Variants in DHRS3 observed in about 807,000 individuals in gnomAD.
The protein encoded by DHRS3 is short-chain dehydrogenase/reductase 3.
In DHRS3, 14 loss-of-function variants were observed where a neutral mutation model predicts 27.2. That is an observed-to-expected ratio of 0.52 (90% CI 0.34 to 0.81). The LOEUF is 0.81. DHRS3 is among the 30% of genes least tolerant of loss of function. DHRS3 has a pLI of 0.01. For missense variants in DHRS3, 322 were observed against 406.2 expected, an observed-to-expected ratio of 0.79 and a Z score of 1.78; for synonymous variants, 165 against 175.9, an observed-to-expected ratio of 0.94 and a Z score of 0.49.
intron 1 of DHRS3, among the ~76,000 whole-genome samples, chr1:12,582,695 A>G (rs1444627305): frequency 6.6e-6 from 1 of 152,032 alleles, no homozygotes; most frequent in Non-Finnish European, 1.5e-5. Context: ...AGCCATTGTC[A>G]TCCAGGTTCC....
chr1:12,603,575 T>C (rs1224515553), intron 1 of DHRS3, among the ~76,000 whole-genome samples: 1 of 152,040 alleles, frequency 6.6e-6, no homozygotes. Flanking sequence ...AACCTGGACC[T>C]TGAACCTCAG....
In DHRS3 at chr1:12,601,736, C is replaced by G. The variant is rs1249822581; in HGVS notation, c.195+15418G>C. ...AGACTCATTGGTTACAAGCAGACAC[C>G]CTGGGTTCCAATCCTGCTGGGTCAT... On this transcript the variant is annotated intron_variant, in intron 1 of 5. Transcript: ENST00000616661. Among the ~76,000 whole-genome samples, 3 of 152,152 alleles carry G rather than the reference C, an allele frequency of 2.0e-5. No individual in the cohort carries two copies. The East Asian group carries it at 5.8e-4, about 29-fold the overall frequency.
intron 1 of DHRS3, among the ~76,000 whole-genome samples, chr1:12,613,408 T>C (rs1412137439): frequency 6.6e-6 from 1 of 152,246 alleles, no homozygotes; most frequent in Non-Finnish European, 1.5e-5. Context: ...TCTAGGTCTT[T>C]ATTCATCTTT....
At position 12,579,014 on chromosome 1, in the gene DHRS3, T is replaced by A. The variant is rs1381922421; in HGVS notation, c.460-58A>T. 2.7e-6 allele frequency: 4 copies of A among 1,500,202 alleles called. No homozygotes were observed. In the South Asian group the frequency reaches 4.7e-5, roughly 17 times the overall value. The allele number at this position is 1,500,202 out of a possible 1,614,324, so 92.9% of individuals were successfully genotyped here. ...CTGCAGCTCTGACAACCCCTCCACC[T>A]TTCTTTCGGGGAGAACAGCCCACCC... On this transcript the variant is annotated intron_variant, in intron 3 of 5. Coordinates refer to ENST00000616661, the MANE Select transcript of DHRS3 (RefSeq NM_004753.7).
intron 1 of DHRS3, among the ~76,000 whole-genome samples, chr1:12,588,389 T>C (rs946877476): frequency 3.3e-5 from 5 of 152,318 alleles, no homozygotes; most frequent in South Asian, 4.1e-4. Flanking sequence ...CTGCATTTAA[T>C]AGGTAAGCCG....
chr1:12,612,001 C>T (rs1216050368), intron 1 of DHRS3, among the ~76,000 whole-genome samples: 1 of 151,400 alleles, frequency 6.6e-6, no homozygotes, highest in South Asian at 2.1e-4. Flanking sequence ...AGCAAGACTG[C>T]AGGGGGGCGT....
chr1:12,569,650 C>T (rs1241324127), intron 5 of DHRS3, among the ~76,000 whole-genome samples: 1 of 152,188 alleles, frequency 6.6e-6, no homozygotes, highest in East Asian at 1.9e-4. Context: ...ACTGCAACCT[C>T]TGCTTCCTGG....
At chr1:12,609,144 C>T (rs1187040960) in intron 1 of DHRS3, among the ~76,000 whole-genome samples, 3 of 152,228 alleles carry the variant, frequency 2.0e-5, no homozygotes, top group Non-Finnish European at 4.4e-5. Flanking sequence ...ACTCATCCTT[C>T]CACAGTGTTA....
chr1:12,582,117 G>T (rs1207880458), intron 1 of DHRS3, among the ~76,000 whole-genome samples: 1 of 152,188 alleles, frequency 6.6e-6, no homozygotes, highest in Non-Finnish European at 1.5e-5. Flanking sequence ...ATCAGACCCA[G>T]ATCCAACTGA....
intron 4 of DHRS3, among the ~76,000 whole-genome samples, chr1:12,573,078 C>T (rs1646553765): frequency 6.6e-6 from 1 of 152,218 alleles, no homozygotes; most frequent in Non-Finnish European, 1.5e-5. Context: ...TTCTAGCCCA[C>T]CCACTGGGGA....
At chr1:12,576,197 G>A (rs1646585345) in intron 4 of DHRS3, among the ~76,000 whole-genome samples, 1 of 152,118 alleles carries the variant, frequency 6.6e-6, no homozygotes, top group Non-Finnish European at 1.5e-5. Context: ...TATGCTAGAA[G>A]GTGAAATAGA....
Position 12,594,221 on chromosome 1 carries a change from G to T in DHRS3, c.196-13555C>A, listed in dbSNP as rs1318282254. 6.6e-6 allele frequency among the ~76,000 whole-genome samples: 1 copy of T among 152,218 alleles called. No homozygotes were observed. Among genetic ancestry groups the T allele is most frequent in the African/African-American group, 2.4e-5 (1 of 41,460 alleles). On this transcript the variant is annotated intron_variant, in intron 1 of 5. Transcript: ENST00000616661. The surrounding 1 kb of genome is among the most constrained non-coding windows in gnomAD (Gnocchi z 4.1). ...ACTCATGCAGGCTGCACTACTAGAAGTTTCAAAGCAAGGCTCGGACTCCAA... is the reference window on the plus strand; with the variant it reads ...ACTCATGCAGGCTGCACTACTAGAATTTTCAAAGCAAGGCTCGGACTCCAA...
In DHRS3 at chr1:12,593,538, C is replaced by T. The variant is rs1646763919; in HGVS notation, c.196-12872G>A. On this transcript the variant is annotated intron_variant, in intron 1 of 5. Coordinates refer to ENST00000616661, the MANE Select transcript of DHRS3 (RefSeq NM_004753.7). This position sits in a 1 kb window ranked among gnomAD's most constrained non-coding sequence, Gnocchi z 4.6. ...CAGGTTCTGCTCAAGTGTCTCTTTA[C>T]CCAAGAGGTCTTCATGTAAAATGCC... Among the ~76,000 whole-genome samples, 1 of 152,084 alleles carries T rather than the reference C, an allele frequency of 6.6e-6. No individual in the cohort carries two copies. The highest frequency in any genetic ancestry group is 2.1e-4 in the South Asian group (1 of 4,826).
chr1:12,580,328 G>T (rs150959190), intron 2 of DHRS3, 195 bp downstream of exon 2: 1 of 669,534 alleles, frequency 1.5e-6, no homozygotes, highest in East Asian at 2.8e-5. Flanking sequence ...AGATGATTAC[G>T]CCTGTTACGT....
intron 1 of DHRS3, among the ~76,000 whole-genome samples, chr1:12,589,643 C>T (rs1646728888): frequency 6.6e-6 from 1 of 152,094 alleles, no homozygotes; most frequent in Admixed American, 6.5e-5. Context: ...CAGCCTAAAA[C>T]ACCCACTTTG....
At chr1:12,570,978 T>C (rs527754176) in intron 5 of DHRS3, among the ~76,000 whole-genome samples, 11 of 152,360 alleles carry the variant, frequency 7.2e-5, no homozygotes, top group Non-Finnish European at 1.0e-4. Flanking sequence ...GGGCTCACCA[T>C]GTCCCAGCAG....
intron 1 of DHRS3, among the ~76,000 whole-genome samples, chr1:12,595,219 G>A (rs1484778390): frequency 6.6e-6 from 1 of 152,160 alleles, no homozygotes; most frequent in Non-Finnish European, 1.5e-5. Context: ...ATAACAAAGT[G>A]CCCGGGCCGT....
At position 12,608,539 on chromosome 1, in the gene DHRS3, C is replaced by T. The variant is rs556588394; in HGVS notation, c.195+8615G>A. ...ATTTTCAAGTGTTGGTTGATCGATG[C>T]TGGTGTCCTCTTTTCCTCCTGCCCC... On this transcript the variant is annotated intron_variant, in intron 1 of 5. Transcript: ENST00000616661. This position sits in a 1 kb window ranked among gnomAD's most constrained non-coding sequence, Gnocchi z 4.1. Among the ~76,000 whole-genome samples the T allele has an allele frequency of 6.6e-6, 1 of 152,284 alleles. No homozygotes were observed. The highest frequency in any genetic ancestry group is 2.1e-4 in the South Asian group (1 of 4,822).
rs185548282 is a variant in DHRS3, at chr1:12,579,377, G to A, written c.375C>T (p.Ala125=). The A allele has an allele frequency of 7.4e-6, 12 of 1,614,066 alleles. No individual in the cohort carries two copies. The highest frequency in any genetic ancestry group is 5.3e-5 in the African/African-American group (4 of 74,944). The change falls in exon 3 of 6, where the codon GCC becomes GCT. Residue 125 remains alanine, a synonymous_variant. Coordinates refer to ENST00000616661, the MANE Select transcript of DHRS3 (RefSeq NM_004753.7). The stretch of plus-strand genomic sequence containing the variant: ...CCATTAGGCTCTTCCCATGGACCAC[G>A]GCGGCATTGTTCACCAGGATGGTGA... ...GDITILVNNA[A]VVHGKSLMDS... is the part of the protein sequence containing the mutation.
Sources: gnomAD v4.1 joint callset for allele counts (sites outside exome capture counted in the v4.1 genomes callset) on GRCh38, gnomAD v4.1.1 for gene constraint, Gnocchi (gnomAD v3.1) non-coding constraint, MANE v1.5 for transcripts, NCBI Gene and HGNC (gene_info 2026-07-23, HGNC 2026-07-21) for gene names.